Variants in TMCO4 observed in about 807,000 individuals in gnomAD.
The protein encoded by TMCO4 is transmembrane and coiled-coil domains 4.
In TMCO4, 58 loss-of-function variants were observed where a neutral mutation model predicts 64.7. That is an observed-to-expected ratio of 0.90 (90% CI 0.73 to 1.12). TMCO4 has a LOEUF of 1.12. Among genes scored for constraint, TMCO4 ranks in the 50% most tolerant of loss-of-function variants. The pLI is 0.00. For synonymous variants in TMCO4, 325 were observed against 346.1 expected (o/e 0.94, Z 0.68); for missense variants, 780 against 825.9 (o/e 0.94, Z 0.68).
At chr1:19,763,308 T>C (rs1049041668) in intron 6 of TMCO4, among the ~76,000 whole-genome samples, 13 of 152,148 alleles carry the variant, frequency 8.5e-5, no homozygotes, top group African/African-American at 2.9e-4. Flanking sequence ...ACTCCTGACC[T>C]CAAGTGATCT....
Position 19,722,038 on chromosome 1 carries a change from T to G in TMCO4, c.1264+15334A>C, listed in dbSNP as rs183272697. ...CAAGCAACTGACTCCATGATTAAAT[T>G]GATCAGTCCTCTAAATTCCTGACTT... On this transcript the variant is annotated intron_variant, in intron 13 of 15. Coordinates refer to ENST00000294543, the MANE Select transcript of TMCO4 (RefSeq NM_181719.7). Among the ~76,000 whole-genome samples the G allele has an allele frequency of 1.8e-3, 271 of 152,302 alleles. 2 individuals are homozygous for G. Among genetic ancestry groups the G allele is most frequent in the Non-Finnish European group, 1.5e-4 (10 of 68,020 alleles).
At chr1:19,761,334 C>T (rs551855499) in intron 6 of TMCO4, among the ~76,000 whole-genome samples, 6 of 152,358 alleles carry the variant, frequency 3.9e-5, no homozygotes, top group Admixed American at 3.3e-4. Context: ...CCCTTCCTCA[C>T]GGCCTCCTTC....
chr1:19,767,857 C>T (rs1343680494), intron 6 of TMCO4, among the ~76,000 whole-genome samples: 8 of 152,138 alleles, frequency 5.3e-5, no homozygotes, highest in African/African-American at 1.7e-4. Flanking sequence ...TTTGGGAGGC[C>T]GAGGTGGGTG....
At chr1:19,795,345 AC>A (rs1393762854) in intron 2 of TMCO4, among the ~76,000 whole-genome samples, 1 of 151,984 alleles carries the variant, frequency 6.6e-6, no homozygotes, top group Non-Finnish European at 1.5e-5. Flanking sequence ...GGTGGCGAGC[AC>A]CTGTAGTCCC....
At position 19,754,982 on chromosome 1, in the gene TMCO4, G is replaced by A. The variant is rs1415568296; in HGVS notation, c.515+652C>T. On this transcript the variant is annotated intron_variant, in intron 7 of 15. Coordinates refer to ENST00000294543, the MANE Select transcript of TMCO4 (RefSeq NM_181719.7). ...CCCGCCCAATGTCAAGCAGTGGACA[G>A]GTATCAGAAACGGGAATTGAATCCA... Among the ~76,000 whole-genome samples the A allele has an allele frequency of 2.0e-5, 3 of 152,156 alleles. No homozygotes were observed. The East Asian group carries it at 5.8e-4, about 29-fold the overall frequency.
chr1:19,763,785 G>A (rs1355219413), intron 6 of TMCO4, among the ~76,000 whole-genome samples: 1 of 152,154 alleles, frequency 6.6e-6, no homozygotes, highest in Non-Finnish European at 1.5e-5. Context: ...CCCATATAAA[G>A]AAGAAACTAC....
At chr1:19,696,883 T>C (rs559301527) in intron 14 of TMCO4, among the ~76,000 whole-genome samples, 6 of 152,326 alleles carry the variant, frequency 3.9e-5, no homozygotes, top group African/African-American at 1.4e-4. Flanking sequence ...GAGCAAACCA[T>C]GGGCCTTCAC....
At chr1:19,707,698 G>A (rs1242590419) in intron 13 of TMCO4, among the ~76,000 whole-genome samples, 3 of 152,168 alleles carry the variant, frequency 2.0e-5, no homozygotes, top group Non-Finnish European at 2.9e-5. Flanking sequence ...TAGCCTTCTC[G>A]GTTGTATTAG....
chr1:19,698,485 A>G (rs1213239052), intron 14 of TMCO4, among the ~76,000 whole-genome samples: 1 of 152,204 alleles, frequency 6.6e-6, no homozygotes, highest in Non-Finnish European at 1.5e-5. Flanking sequence ...TAGCCCAGGT[A>G]AGGGAGTGGA....
chr1:19,748,430 G>A (rs969481642), intron 7 of TMCO4, among the ~76,000 whole-genome samples: 1 of 152,188 alleles, frequency 6.6e-6, no homozygotes, highest in Non-Finnish European at 1.5e-5. Flanking sequence ...TCCTTGAGCA[G>A]AAAAATGTAT....
rs35582165 is a variant in TMCO4 at position 19,716,165 on chromosome 1, T to TTTA, written c.1265-15283_1265-15281dup. ...GACCTCTTCTCTATTTTATTTTTAT[T>TTTA]TTATTATTATTATTATTATTAATTT... On this transcript the variant is annotated intron_variant, in intron 13 of 15. Coordinates refer to ENST00000294543, the MANE Select transcript of TMCO4 (RefSeq NM_181719.7). Among the ~76,000 whole-genome samples the TTTA allele has an allele frequency of 1.0e-3, 145 of 144,900 alleles. 1 individual carries two copies. Among genetic ancestry groups the TTTA allele is most frequent in the African/African-American group, 2.8e-3 (112 of 39,656 alleles).
In TMCO4 at chr1:19,694,866, C is replaced by CTGAA. The variant is rs906769528; in HGVS notation, c.1383-319_1383-316dup. Reference sequence around the variant, plus strand: ...CTGGCATGCAATAGAGGAATATCTGCTGAATGAATGAATGAATGAGGAATC... The same window carrying CTGAA: ...CTGGCATGCAATAGAGGAATATCTGCTGAATGAATGAATGAATGAATGAGGAATC... On this transcript the variant is annotated intron_variant, in intron 14 of 15. Transcript: ENST00000294543. Among the ~76,000 whole-genome samples, 256 of 152,318 alleles carry CTGAA rather than the reference C, an allele frequency of 1.7e-3. 2 individuals are homozygous for CTGAA. The highest frequency in any genetic ancestry group is 5.5e-3 in the African/African-American group (229 of 41,560).
At chr1:19,691,180 CTT>C (rs1043162195) in intron 15 of TMCO4, among the ~76,000 whole-genome samples, 2 of 152,170 alleles carry the variant, frequency 1.3e-5, no homozygotes, top group Non-Finnish European at 2.9e-5. Flanking sequence ...TGTGAAGACT[CTT>C]TAACCAGGAG....
chr1:19,730,732 G>A (rs962080970), intron 13 of TMCO4, among the ~76,000 whole-genome samples: 1 of 152,214 alleles, frequency 6.6e-6, no homozygotes, highest in Non-Finnish European at 1.5e-5. Flanking sequence ...TAATTCTACA[G>A]GCAGCTTTTC....
intron 10 of TMCO4, among the ~76,000 whole-genome samples, chr1:19,742,033 C>T (rs370400613): frequency 3.3e-5 from 5 of 152,010 alleles, no homozygotes; most frequent in Non-Finnish European, 4.4e-5. Context: ...CCACTGCGCC[C>T]GGCGAAAGTG....
chr1:19,789,684 C>A (rs1361549659), intron 2 of TMCO4, among the ~76,000 whole-genome samples: 1 of 152,138 alleles, frequency 6.6e-6, no homozygotes, highest in Non-Finnish European at 1.5e-5. Context: ...AAGCCCTGGA[C>A]CCATGTGGCC....
At position 19,790,339 on chromosome 1, in the gene TMCO4, G is replaced by A. The variant is rs934399345; in HGVS notation, c.-100-3222C>T. 2.6e-5 allele frequency among the ~76,000 whole-genome samples: 4 copies of A among 152,092 alleles called. No homozygotes were observed. The South Asian group carries it at 8.3e-4, about 32-fold the overall frequency. On this transcript the variant is annotated intron_variant, in intron 2 of 15. Transcript: ENST00000294543. ...AAATGGGATCTGATTAAACTAAAGA[G>A]CTTCTGCACAGCAAAAGAAACTATC...
intron 13 of TMCO4, among the ~76,000 whole-genome samples, chr1:19,736,006 C>T (rs925126164): frequency 5.9e-5 from 9 of 152,154 alleles, no homozygotes; most frequent in Non-Finnish European, 1.0e-4. Flanking sequence ...ATGAGGTCAA[C>T]TTGGACCTCC....
Position 19,740,070 on chromosome 1 carries a change from C to A in TMCO4, c.1043-110G>T. 3.0e-6 allele frequency: 4 copies of A among 1,323,968 alleles called. No individual in the cohort carries two copies. The South Asian group carries it at 4.6e-5, about 15-fold the overall frequency. 82.0% of individuals were successfully genotyped at this position (1,323,968 alleles called of 1,614,324 possible). On this transcript the variant is annotated intron_variant, in intron 11 of 15. Coordinates refer to ENST00000294543, the MANE Select transcript of TMCO4 (RefSeq NM_181719.7). ...AAATGCATGCAGTCTCCAACTTGGA[C>A]CTGCAAGTTTGCCAATCAAACTGCT...
Sources: gnomAD v4.1 joint callset for allele counts (sites outside exome capture counted in the v4.1 genomes callset) on GRCh38, gnomAD v4.1.1 for gene constraint, MANE v1.5 for transcripts, NCBI Gene and HGNC (gene_info 2026-07-23, HGNC 2026-07-21) for gene names.